The following FRMD4A variants were observed in gnomAD, a reference collection of about 807,000 sequenced individuals.
The protein encoded by FRMD4A is FERM domain-containing protein 4A.
A neutral mutation model predicts 129.1 loss-of-function variants in FRMD4A; 29 were observed. That is an observed-to-expected ratio of 0.22 (90% CI 0.17 to 0.31). The LOEUF is 0.31. FRMD4A is among the 10% of genes least tolerant of loss of function. The probability of loss-of-function intolerance (pLI) is 1.00; values close to 1 mark genes in which losing one functional copy is unlikely to be tolerated. For missense variants in FRMD4A, 1,272 were observed against 1,375.8 expected, an observed-to-expected ratio of 0.92 and a Z score of 1.19; for synonymous variants, 634 against 571.6, an observed-to-expected ratio of 1.11 and a Z score of -1.56.
intron 2 of FRMD4A, among the ~76,000 whole-genome samples, chr10:14,206,777 A>G (rs1302386640): frequency 7.5e-6 from 1 of 132,960 alleles, no homozygotes; most frequent in Non-Finnish European, 1.6e-5. Flanking sequence ...ACTACACTCC[A>G]GCAGCCTGGA....
chr10:14,127,575 G>GT (rs1181397137), intron 2 of FRMD4A, among the ~76,000 whole-genome samples: 1 of 152,104 alleles, frequency 6.6e-6, no homozygotes, highest in Non-Finnish European at 1.5e-5. Context: ...CTGTGCCTCA[G>GT]TTTTCCCATC....
At chr10:14,324,722 C>T (rs1252944798) in intron 2 of FRMD4A, among the ~76,000 whole-genome samples, 1 of 152,174 alleles carries the variant, frequency 6.6e-6, no homozygotes, top group Non-Finnish European at 1.5e-5. Context: ...GTGGCGTGCG[C>T]CGATCTCGGC....
At chr10:14,226,394 C>T (rs778313680) in intron 2 of FRMD4A, among the ~76,000 whole-genome samples, 4 of 152,184 alleles carry the variant, frequency 2.6e-5, no homozygotes, top group African/African-American at 4.8e-5. Flanking sequence ...GTGTTATCAT[C>T]GTATACATCA....
At chr10:13,838,519 G>A (rs1018762704) in intron 3 of FRMD4A, among the ~76,000 whole-genome samples, 2 of 145,830 alleles carry the variant, frequency 1.4e-5, no homozygotes, top group African/African-American at 5.1e-5. Context: ...TTGAGATTGA[G>A]TCTCGCTCTG....
intron 2 of FRMD4A, among the ~76,000 whole-genome samples, chr10:13,897,155 T>C (rs1472664634): frequency 6.6e-6 from 1 of 152,232 alleles, no homozygotes; most frequent in Non-Finnish European, 1.5e-5. Flanking sequence ...GATTAAATAA[T>C]TTAGAGTGCT....
chr10:14,308,200 A>G (rs758706566), intron 2 of FRMD4A, among the ~76,000 whole-genome samples: 9 of 152,198 alleles, frequency 5.9e-5, no homozygotes, highest in Non-Finnish European at 1.5e-5. Flanking sequence ...TGATGACCAA[A>G]TTGCACTATT....
At chr10:13,660,612 C>G (rs2082564458) in intron 19 of FRMD4A, 59 bp from the exon 20 acceptor site, 1 of 1,084,606 alleles carries the variant, frequency 9.2e-7, no homozygotes, top group South Asian at 1.4e-5. Flanking sequence ...CAGGCTGAGA[C>G]AGAACCCCTA....
intron 2 of FRMD4A, among the ~76,000 whole-genome samples, chr10:14,035,182 G>T (rs1833438162): frequency 6.6e-6 from 1 of 152,176 alleles, no homozygotes; most frequent in Non-Finnish European, 1.5e-5. Context: ...GGAGGCTGAG[G>T]CGGGTGGATC....
intron 2 of FRMD4A, among the ~76,000 whole-genome samples, chr10:14,000,938 C>T (rs2095640723): frequency 6.6e-6 from 1 of 152,076 alleles, no homozygotes; most frequent in Non-Finnish European, 1.5e-5. Context: ...TAGGATGTGC[C>T]AGGAATATGG....
intron 2 of FRMD4A, among the ~76,000 whole-genome samples, chr10:14,260,328 A>G (rs2132032505): frequency 6.6e-6 from 1 of 152,316 alleles, no homozygotes. Context: ...TTTAGTTCCC[A>G]CAAGCAAAAC....
chr10:14,092,198 G>A (rs965577069), intron 2 of FRMD4A, among the ~76,000 whole-genome samples: 1 of 151,514 alleles, frequency 6.6e-6, no homozygotes, highest in Non-Finnish European at 1.5e-5. Flanking sequence ...TACTGAACCG[G>A]CTACTAGGGG....
At chr10:14,291,608 C>T (rs184040616) in intron 2 of FRMD4A, among the ~76,000 whole-genome samples, 79 of 152,024 alleles carry the variant, frequency 5.2e-4, no homozygotes, top group South Asian at 3.5e-3. Flanking sequence ...CATGTATTCA[C>T]GATAAAAATA....
intron 24 of FRMD4A, chr10:13,647,580 A>G (rs570288041): frequency 2.0e-5 from 3 of 152,210 alleles, no homozygotes; most frequent in Non-Finnish European, 2.9e-5. Context: ...AGTTTTCCCT[A>G]TAGTGAAACT....
At chr10:13,714,765 C>T (rs2088610825) in intron 12 of FRMD4A, among the ~76,000 whole-genome samples, 1 of 152,116 alleles carries the variant, frequency 6.6e-6, no homozygotes, top group Non-Finnish European at 1.5e-5. Flanking sequence ...GCAGGCTGGG[C>T]ATGGTGGCTC....
intron 15 of FRMD4A, among the ~76,000 whole-genome samples, chr10:13,680,744 A>G (rs1315134216): frequency 6.6e-6 from 1 of 151,962 alleles, no homozygotes; most frequent in African/African-American, 2.4e-5. Flanking sequence ...AATTTAAAAA[A>G]AAGTTTAAAA....
chr10:13,901,319 G>A (rs1452849460), intron 2 of FRMD4A, among the ~76,000 whole-genome samples: 7 of 152,134 alleles, frequency 4.6e-5, no homozygotes, highest in Admixed American at 4.6e-4. Flanking sequence ...AAATTGAATG[G>A]AGGCTGGGTG....
At chr10:14,053,133 G>A (rs189017667) in intron 2 of FRMD4A, among the ~76,000 whole-genome samples, 1 of 152,340 alleles carries the variant, frequency 6.6e-6, no homozygotes, top group African/African-American at 2.4e-5. Flanking sequence ...TACGGAGATG[G>A]TGGGGCCAGG....
intron 12 of FRMD4A, among the ~76,000 whole-genome samples, chr10:13,730,965 T>G (rs1227314042): frequency 6.6e-6 from 1 of 151,248 alleles, no homozygotes; most frequent in Non-Finnish European, 1.5e-5. Context: ...GAGGCAGAGG[T>G]TGCAGTGAGC....
chr10:13,737,386 A>T (rs1045155519), intron 12 of FRMD4A, among the ~76,000 whole-genome samples: 4 of 152,164 alleles, frequency 2.6e-5, no homozygotes, highest in Non-Finnish European at 5.9e-5. Context: ...CAGCGTGCCC[A>T]GCCTTTCAGC....
Sources: allele counts gnomAD v4.1 joint callset (sites outside exome capture counted in the v4.1 genomes callset), GRCh38; gene constraint gnomAD v4.1.1; transcripts MANE v1.5; gene names NCBI Gene and HGNC (gene_info 2026-07-23, HGNC 2026-07-21).